LIMCH1: variants seen among roughly 807,000 people sequenced by gnomAD.
LIMCH1 encodes LIM and calponin homology domains-containing protein 1.
LIMCH1 carries 113 observed loss-of-function variants against 176.5 expected under a neutral mutation model. The ratio of observed to expected loss-of-function variants is 0.64; its 90% CI spans 0.55 to 0.75. The LOEUF (loss-of-function observed/expected upper bound fraction) is 0.75, where lower values mean the gene tolerates loss of function less well. Ranked by LOEUF, LIMCH1 falls within the 30% of genes least tolerant of loss-of-function variation. The probability of loss-of-function intolerance (pLI) is 0.00; values close to 1 mark genes in which losing one functional copy is unlikely to be tolerated. For synonymous variants in LIMCH1, 619 were observed against 645.9 expected (o/e 0.96, Z 0.63); for missense variants, 1,674 against 1,814.9 (o/e 0.92, Z 1.41).
chr4:41,662,775 G>T, intron 19 of LIMCH1, 46 bp from the exon 20 acceptor site: 3 of 1,603,662 alleles, frequency 1.9e-6, no homozygotes, highest in South Asian at 2.2e-5. Context: ...ATAGATATTT[G>T]ATTTTCTTTT....
chr4:41,483,565 A>G (rs372051617), intron 1 of LIMCH1, among the ~76,000 whole-genome samples: 43 of 152,274 alleles, frequency 2.8e-4, no homozygotes, highest in African/African-American at 1.0e-3. Flanking sequence ...GGTGTAACCC[A>G]TAGTGCTGGC....
At chr4:41,459,511 C>T (rs1199411297) in intron 1 of LIMCH1, among the ~76,000 whole-genome samples, 3 of 152,112 alleles carry the variant, frequency 2.0e-5, no homozygotes, top group East Asian at 1.9e-4. Context: ...CCTGTTGCCC[C>T]AGCTGGTCTT....
intron 2 of LIMCH1, among the ~76,000 whole-genome samples, chr4:41,511,807 A>C (rs1412782726): frequency 6.6e-6 from 1 of 152,268 alleles, no homozygotes; most frequent in Non-Finnish European, 1.5e-5. Flanking sequence ...TGCTAAACCT[A>C]CAAAACTCTT....
intron 4 of LIMCH1, chr4:41,609,672 C>G (rs1253701629): frequency 8.8e-6 from 4 of 455,676 alleles, no homozygotes; most frequent in African/African-American, 2.0e-5. Context: ...AAAATAATCC[C>G]AAAATTTCAT....
At chr4:41,503,430 AT>A (rs1400598788) in intron 2 of LIMCH1, among the ~76,000 whole-genome samples, 5 of 151,520 alleles carry the variant, frequency 3.3e-5, no homozygotes, top group African/African-American at 9.8e-5. Flanking sequence ...AGGAATGACT[AT>A]TAGACCAACA....
At chr4:41,632,460 G>A (rs912710166) in intron 10 of LIMCH1, among the ~76,000 whole-genome samples, 4 of 152,042 alleles carry the variant, frequency 2.6e-5, no homozygotes, top group African/African-American at 4.8e-5. Context: ...GGGGAGGAGG[G>A]GGTAGGAAAT....
At chr4:41,629,355 T>G in intron 8 of LIMCH1, 137 bp from the exon 9 acceptor site, 10 of 1,043,442 alleles carry the variant, frequency 9.6e-6, no homozygotes, top group Non-Finnish European at 1.2e-5. Flanking sequence ...ATTCCATTTT[T>G]GAGAAAGAGA....
chr4:41,613,215 A>G (rs763124159), intron 4 of LIMCH1: 1 of 985,436 alleles, frequency 1.0e-6, no homozygotes, highest in Non-Finnish European at 1.5e-6. Flanking sequence ...AACCTAGGGA[A>G]TATGAGTTAT....
At chr4:41,592,634 GA>G (rs1158546381) in intron 1 of LIMCH1, among the ~76,000 whole-genome samples, 1 of 152,164 alleles carries the variant, frequency 6.6e-6, no homozygotes, top group East Asian at 1.9e-4. Flanking sequence ...TGAGTGCCCA[GA>G]AGGTGCCAGA....
intron 1 of LIMCH1, among the ~76,000 whole-genome samples, chr4:41,446,045 C>T (rs539356959): frequency 1.1e-4 from 16 of 152,170 alleles, no homozygotes; most frequent in Non-Finnish European, 2.2e-4. Flanking sequence ...AGCCTCAGTA[C>T]ATTGGGTAAT....
upstream of LIMCH1, among the ~76,000 whole-genome samples, chr4:41,537,390 G>A (rs558152509): frequency 3.9e-5 from 6 of 152,310 alleles, no homozygotes; most frequent in East Asian, 1.2e-3. Flanking sequence ...AAAAGCAACA[G>A]GTGGAAAATG....
chr4:41,467,158 T>TACACACACACAC lies in LIMCH1; in HGVS notation c.97-27342_97-27331dup, dbSNP rs148147336. On this transcript the variant is annotated intron_variant, in intron 1 of 26. Coordinates refer to the LIMCH1 transcript ENST00000313860. ...CCATATATATATGTGTATGTATATA[T>TACACACACACAC]ACACACACACACACACACACACACA... Among the ~76,000 whole-genome samples the TACACACACACAC allele has an allele frequency of 1.8e-4, 26 of 143,466 alleles. 1 individual carries two copies. Among genetic ancestry groups the TACACACACACAC allele is most frequent in the African/African-American group, 5.9e-4 (23 of 39,066 alleles). 94.1% of individuals were successfully genotyped at this position (143,466 alleles called of 152,430 possible). A position where few individuals can be genotyped will look rare whatever the true frequency, so the allele number is the denominator to read the frequency against.
intron 1 of LIMCH1, among the ~76,000 whole-genome samples, chr4:41,472,392 CCTCT>C (rs534780362): frequency 3.5e-4 from 47 of 135,370 alleles, no homozygotes; most frequent in Non-Finnish European, 6.4e-4. Flanking sequence ...TTCCTTCATT[CCTCT>C]CTCTCTCTCT....
chr4:41,438,075 A>C (rs2062281611), intron 1 of LIMCH1, among the ~76,000 whole-genome samples: 1 of 152,174 alleles, frequency 6.6e-6, no homozygotes, highest in Admixed American at 6.5e-5. Flanking sequence ...GTTTTCCCCA[A>C]TCAGCTACCT....
chr4:41,652,524 TA>T (rs1221809617), intron 18 of LIMCH1, among the ~76,000 whole-genome samples: 1 of 152,234 alleles, frequency 6.6e-6, no homozygotes, highest in Non-Finnish European at 1.5e-5. Flanking sequence ...TGAGTTCTGC[TA>T]GCAGTGTGAG....
At chr4:41,468,512 A>G (rs1454878914) in intron 1 of LIMCH1, among the ~76,000 whole-genome samples, 2 of 150,528 alleles carry the variant, frequency 1.3e-5, no homozygotes, top group Admixed American at 1.3e-4. Context: ...CTTTATCTTA[A>G]TGTATTAAAC....
intron 1 of LIMCH1, among the ~76,000 whole-genome samples, chr4:41,541,935 G>T (rs115115253): frequency 6.6e-6 from 1 of 152,272 alleles, no homozygotes; most frequent in Admixed American, 6.5e-5. Context: ...TTGAAAAGTC[G>T]CTCTGGTTTC....
At chr4:41,594,847 G>A (rs996946983) in intron 1 of LIMCH1, among the ~76,000 whole-genome samples, 1 of 152,098 alleles carries the variant, frequency 6.6e-6, no homozygotes, top group Non-Finnish European at 1.5e-5. Context: ...AATCTGTGGG[G>A]GTCACAGTCA....
intron 1 of LIMCH1, among the ~76,000 whole-genome samples, chr4:41,557,546 C>CTGTGTA (rs375027661): frequency 0.073 from 10,852 of 147,826 alleles, 552 homozygotes; most frequent in African/African-American, 0.14. Flanking sequence ...TTTATTGCCT[C>CTGTGTA]TGTGTGTGTG....
Sources: gnomAD v4.1 joint callset for allele counts (sites outside exome capture counted in the v4.1 genomes callset) on GRCh38, gnomAD v4.1.1 for gene constraint, MANE v1.5 for transcripts, NCBI Gene and HGNC (gene_info 2026-07-23, HGNC 2026-07-21) for gene names.